The following PTPRK variants were observed in gnomAD, a reference collection of about 807,000 sequenced individuals.
PTPRK encodes the protein receptor-type tyrosine-protein phosphatase kappa.
PTPRK carries 75 observed loss-of-function variants against 178.0 expected under a neutral mutation model. The observed-to-expected ratio is 0.42, with a 90% CI of 0.35 to 0.51. The LOEUF is 0.51. Among genes scored for constraint, PTPRK ranks in the 20% least tolerant of loss-of-function variants. The pLI, the probability that PTPRK is intolerant of heterozygous loss-of-function variation, is 0.02. For synonymous variants in PTPRK, 637 were observed against 620.6 expected (o/e 1.03, Z -0.39); for missense variants, 1,441 against 1,797.8 (o/e 0.80, Z 3.59).
chr6:128,158,474 G>C (rs1048683859), intron 7 of PTPRK, among the ~76,000 whole-genome samples: 1 of 151,862 alleles, frequency 6.6e-6, no homozygotes, highest in African/African-American at 2.4e-5. Flanking sequence ...TCTCTGTCTA[G>C]TTCCTACTGA....
intron 7 of PTPRK, among the ~76,000 whole-genome samples, chr6:128,095,182 A>G (rs1427017334): frequency 6.6e-6 from 1 of 152,204 alleles, no homozygotes; most frequent in Non-Finnish European, 1.5e-5. Flanking sequence ...CAGAAACCAG[A>G]TCTCAAAACA....
intron 1 of PTPRK, among the ~76,000 whole-genome samples, chr6:128,420,074 T>A (rs1562484670): frequency 6.6e-6 from 1 of 152,214 alleles, no homozygotes; most frequent in Non-Finnish European, 1.5e-5. Flanking sequence ...TATTGTGAGT[T>A]TATATCACTA....
intron 5 of PTPRK, chr6:128,230,896 A>C (rs1362242128): frequency 2.0e-5 from 3 of 152,190 alleles, no homozygotes; most frequent in African/African-American, 7.2e-5. Flanking sequence ...GAAGGTAAAG[A>C]ATATTATACG....
intron 14 of PTPRK, among the ~76,000 whole-genome samples, chr6:128,006,212 T>A (rs890360591): frequency 2.0e-5 from 3 of 151,056 alleles, no homozygotes; most frequent in African/African-American, 7.3e-5. Flanking sequence ...AATTTGCTCA[T>A]GCATTGTTAG....
rs1284963353 is a variant in PTPRK, at chr6:128,184,399, A to G, written c.1162+33T>C. 7 of 1,599,856 alleles carry G rather than the reference A, an allele frequency of 4.4e-6. No homozygotes were observed. In the East Asian group the frequency reaches 1.6e-4, roughly 36 times the overall value. Reference sequence around the variant, plus strand: ...AATGTGTCTTATGCTAGATTCCTTCACAAGGTAGAAAAGGTCTGCTACTCA... The same window carrying G: ...AATGTGTCTTATGCTAGATTCCTTCGCAAGGTAGAAAAGGTCTGCTACTCA... On this transcript the variant is annotated intron_variant, in intron 7 of 29. Transcript: ENST00000368226.
chr6:128,223,061 T>A lies in PTPRK; in HGVS notation c.694-3965A>T, dbSNP rs189344199. The stretch of plus-strand genomic sequence containing the variant: ...AAAAACTTATTAACTGACTTTTCTA[T>A]CTTAAATCTTTTCTACTATGATATA... On this transcript the variant is annotated intron_variant, in intron 5 of 29. Transcript: ENST00000368226. Among the ~76,000 whole-genome samples, 72 of 152,258 alleles carry A rather than the reference T, an allele frequency of 4.7e-4. 1 individual carries two copies. The highest frequency in any genetic ancestry group is 1.7e-3 in the African/African-American group (69 of 41,554).
rs1840401230 is a variant in PTPRK at position 128,397,017 on chromosome 6, A to G, written c.223+549T>C. ...CATATCAAAAAACAACAACAACAACAAAAGAACAGATCTGGCCCTATTTCT... is the reference window on the plus strand; with the variant it reads ...CATATCAAAAAACAACAACAACAACGAAAGAACAGATCTGGCCCTATTTCT... On this transcript the variant is annotated intron_variant, in intron 2 of 29. Transcript: ENST00000368226. Among the ~76,000 whole-genome samples the G allele has an allele frequency of 2.0e-5, 3 of 152,132 alleles. No individual in the cohort carries two copies. The South Asian group carries it at 6.2e-4, about 31-fold the overall frequency.
intron 1 of PTPRK, among the ~76,000 whole-genome samples, chr6:128,447,768 C>T (rs1276953273): frequency 1.3e-5 from 2 of 151,896 alleles, no homozygotes; most frequent in African/African-American, 2.4e-5. Flanking sequence ...GGACTACACG[C>T]GTGTGCCACC....
intron 13 of PTPRK, among the ~76,000 whole-genome samples, chr6:128,044,660 C>G (rs1038394963): frequency 1.3e-4 from 20 of 150,480 alleles, no homozygotes; most frequent in Non-Finnish European, 2.7e-4. Flanking sequence ...TTTTTTTTTT[C>G]CATTTAAGTC....
intron 27 of PTPRK, 22 bp from the exon 28 acceptor site, chr6:127,973,849 T>G (rs754385290): frequency 6.2e-7 from 1 of 1,601,358 alleles, no homozygotes; most frequent in Non-Finnish European, 8.5e-7. Context: ...AGTGTTTTTA[T>G]GTAAATACGC....
intron 5 of PTPRK, among the ~76,000 whole-genome samples, chr6:128,227,055 T>G (rs1371165348): frequency 3.9e-5 from 6 of 152,066 alleles, no homozygotes; most frequent in Non-Finnish European, 7.4e-5. Context: ...TAGAGGCATG[T>G]AAAATATCAC....
intron 13 of PTPRK, among the ~76,000 whole-genome samples, chr6:128,038,954 A>G (rs1026428737): frequency 6.6e-6 from 1 of 152,236 alleles, no homozygotes; most frequent in African/African-American, 2.4e-5. Context: ...AAACTTTTAA[A>G]GACTGGCACT....
At chr6:128,003,161 A>G (rs754089889) in intron 15 of PTPRK, 16 of 1,567,168 alleles carry the variant, frequency 1.0e-5, no homozygotes, top group Admixed American at 1.7e-5. Context: ...GGTGTGATCC[A>G]TGCAATGAAA....
intron 7 of PTPRK, among the ~76,000 whole-genome samples, chr6:128,153,056 G>A (rs952718993): frequency 1.3e-5 from 2 of 151,910 alleles, no homozygotes; most frequent in Non-Finnish European, 2.9e-5. Context: ...TGAGAACCAT[G>A]AGGAAAATGA....
At chr6:128,227,971 G>T (rs1811638387) in intron 5 of PTPRK, among the ~76,000 whole-genome samples, 1 of 151,994 alleles carries the variant, frequency 6.6e-6, no homozygotes, top group South Asian at 2.1e-4. Flanking sequence ...CCTGTCAGGG[G>T]ATAGGGGGCT....
intron 6 of PTPRK, among the ~76,000 whole-genome samples, chr6:128,199,866 C>T (rs1805596863): frequency 6.6e-6 from 1 of 152,148 alleles, no homozygotes; most frequent in African/African-American, 2.4e-5. Flanking sequence ...GCAAGAGAAT[C>T]CCCGAAATCA....
chr6:128,358,235 T>C (rs1834217344), intron 2 of PTPRK, among the ~76,000 whole-genome samples: 1 of 152,224 alleles, frequency 6.6e-6, no homozygotes, highest in Admixed American at 6.5e-5. Context: ...ATAATGGTCC[T>C]TGGCCCTGAA....
At chr6:128,399,965 A>G (rs983326754) in intron 1 of PTPRK, among the ~76,000 whole-genome samples, 1 of 152,202 alleles carries the variant, frequency 6.6e-6, no homozygotes, top group Non-Finnish European at 1.5e-5. Context: ...TCTAATTTAC[A>G]ACAAGGTCTA....
chr6:128,075,390 C>T (rs1335559946), intron 11 of PTPRK, among the ~76,000 whole-genome samples: 1 of 151,950 alleles, frequency 6.6e-6, no homozygotes, highest in East Asian at 1.9e-4. Context: ...TTTGTCTCTC[C>T]AGCTTCAGCT....
Sources: allele counts gnomAD v4.1 joint callset (sites outside exome capture counted in the v4.1 genomes callset), GRCh38; gene constraint gnomAD v4.1.1; transcripts MANE v1.5; gene names NCBI Gene and HGNC (gene_info 2026-07-23, HGNC 2026-07-21).